The following SORCS3 variants were observed in gnomAD, a reference collection of about 807,000 sequenced individuals.
The protein encoded by SORCS3 is sortilin related VPS10 domain containing receptor 3.
Under a neutral mutation model 146.3 loss-of-function variants are expected in SORCS3, and 57 were observed. The ratio of observed to expected loss-of-function variants is 0.39; its 90% CI spans 0.31 to 0.49. The LOEUF is 0.49. Ranked by LOEUF, SORCS3 falls within the 20% of genes least tolerant of loss-of-function variation. SORCS3 has a pLI of 0.92. For missense variants in SORCS3, 1,341 were observed against 1,575.5 expected (o/e 0.85, Z 2.52); for synonymous variants, 653 against 618.5 (o/e 1.06, Z -0.83).
chr10:105,237,937 C>T (rs376151480), intron 20 of SORCS3, among the ~76,000 whole-genome samples: 2 of 152,262 alleles, frequency 1.3e-5, no homozygotes, highest in South Asian at 4.2e-4. Flanking sequence ...ATTAAATCAT[C>T]CTACTGATAA....
intron 3 of SORCS3, among the ~76,000 whole-genome samples, chr10:104,951,535 G>C (rs80041507): frequency 0.012 from 1,826 of 151,958 alleles, 48 homozygotes; most frequent in African/African-American, 0.042. Context: ...TTAGAGATGA[G>C]GGTCTCGCTA....
chr10:105,120,365 A>G (rs1021356813), intron 7 of SORCS3, among the ~76,000 whole-genome samples: 10 of 152,176 alleles, frequency 6.6e-5, no homozygotes, highest in Admixed American at 3.3e-4. Context: ...TCCTCATAGC[A>G]GTGTGAGAAC....
intron 20 of SORCS3, among the ~76,000 whole-genome samples, chr10:105,228,255 T>A (rs2056745554): frequency 6.6e-6 from 1 of 152,022 alleles, no homozygotes. Context: ...TTTATCTTCC[T>A]TTTTTGTTTG....
At chr10:104,705,465 T>A (rs1439528727) in intron 1 of SORCS3, among the ~76,000 whole-genome samples, 3 of 152,236 alleles carry the variant, frequency 2.0e-5, no homozygotes, top group African/African-American at 7.2e-5. Flanking sequence ...CTTACCTTTA[T>A]CAGGTCTTTG....
In SORCS3 at chr10:105,032,533, C is replaced by T. The variant is rs552885647; in HGVS notation, c.955-10522C>T. ...TTTGAATGAACTCAGATTTTCTGAG[C>T]GCTACTAATACTAAAATTATGAGGA... On this transcript the variant is annotated intron_variant, in intron 4 of 26. Transcript: ENST00000369701. Among the ~76,000 whole-genome samples the T allele has an allele frequency of 3.2e-4, 49 of 152,182 alleles. 1 individual carries two copies. In the South Asian group the frequency reaches 8.1e-3, roughly 25 times the overall value.
chr10:104,674,401 G>A (rs567180403), intron 1 of SORCS3, among the ~76,000 whole-genome samples: 1 of 152,308 alleles, frequency 6.6e-6, no homozygotes, highest in Admixed American at 6.5e-5. Context: ...AAAGACTTTG[G>A]CTTTCATTTT....
chr10:105,043,224 C>T, intron 5 of SORCS3, 96 bp downstream of exon 5: 1 of 1,065,954 alleles, frequency 9.4e-7, no homozygotes. Context: ...TTCTTGCAGA[C>T]AAATGTGTTC....
chr10:105,225,481 T>G (rs1486569149), intron 20 of SORCS3, among the ~76,000 whole-genome samples: 1 of 152,078 alleles, frequency 6.6e-6, no homozygotes, highest in Non-Finnish European at 1.5e-5. Context: ...TTTTGATCAC[T>G]GTAGATTTAT....
chr10:104,983,439 T>C (rs563292863), intron 4 of SORCS3, among the ~76,000 whole-genome samples: 2 of 152,338 alleles, frequency 1.3e-5, no homozygotes, highest in African/African-American at 2.4e-5. Flanking sequence ...ACGGCATGTA[T>C]ATGCTTTAAG....
intron 25 of SORCS3, among the ~76,000 whole-genome samples, chr10:105,259,313 G>C (rs1589715202): frequency 6.6e-6 from 1 of 152,188 alleles, no homozygotes; most frequent in Non-Finnish European, 1.5e-5. Context: ...TTCTGTTTCT[G>C]TGTCCAGATC....
At chr10:104,818,360 T>TCTTCCTTCCTTTCTTC (rs2017829690) in intron 1 of SORCS3, among the ~76,000 whole-genome samples, 1 of 139,756 alleles carries the variant, frequency 7.2e-6, no homozygotes, top group South Asian at 2.5e-4. Flanking sequence ...TCTTCTCCTT[T>TCTTCCTTCCTTTCTTC]CTTCCTTCCT....
intron 5 of SORCS3, among the ~76,000 whole-genome samples, chr10:105,084,769 C>T (rs548832923): frequency 1.8e-4 from 27 of 150,028 alleles, no homozygotes; most frequent in Non-Finnish European, 3.7e-4. Flanking sequence ...CTCGCTCTGT[C>T]GCCCAGGCTG....
chr10:105,026,306 G>A (rs533611760), intron 4 of SORCS3, among the ~76,000 whole-genome samples: 7 of 152,122 alleles, frequency 4.6e-5, no homozygotes, highest in Non-Finnish European at 8.8e-5. Context: ...TAGACTCGCC[G>A]CTCCACTCTG....
At chr10:105,091,011 TA>T (rs1418612429) in intron 6 of SORCS3, among the ~76,000 whole-genome samples, 2 of 152,184 alleles carry the variant, frequency 1.3e-5, no homozygotes, top group Non-Finnish European at 2.9e-5. Context: ...TTTTTATTTT[TA>T]AAAGAGTTAG....
intron 5 of SORCS3, among the ~76,000 whole-genome samples, chr10:105,056,689 T>C (rs961429812): frequency 6.6e-6 from 1 of 152,224 alleles, no homozygotes; most frequent in Non-Finnish European, 1.5e-5. Flanking sequence ...CATCCTGATC[T>C]CAAGTTCCAT....
Position 104,696,472 on chromosome 10 carries a change from G to GAACATAT in SORCS3, c.627+54520_627+54521insCATATAA, listed in dbSNP as rs1564661334. Among the ~76,000 whole-genome samples the GAACATAT allele has an allele frequency of 1.1e-4, 2 of 17,584 alleles. 1 individual carries two copies. The highest frequency in any genetic ancestry group is 2.9e-4 in the Non-Finnish European group (2 of 6,968). 11.5% of individuals were successfully genotyped at this position (17,584 alleles called of 152,430 possible). On this transcript the variant is annotated intron_variant, in intron 1 of 26. Coordinates refer to ENST00000369701, the MANE Select transcript of SORCS3 (RefSeq NM_014978.3). Reference sequence around the variant, plus strand: ...TAGAATATAGAATATATAATATATAGAATATAGAATATATAATATATAATA... The same window carrying GAACATAT: ...TAGAATATAGAATATATAATATATAGAACATATAATATAGAATATATAATATATAATA...
chr10:104,811,862 G>A (rs1054973594), intron 1 of SORCS3, among the ~76,000 whole-genome samples: 3 of 152,190 alleles, frequency 2.0e-5, no homozygotes, highest in Non-Finnish European at 4.4e-5. Flanking sequence ...GCCAAGAGAT[G>A]TGCATCAGAA....
chr10:104,837,186 G>A (rs923225929), intron 1 of SORCS3, among the ~76,000 whole-genome samples: 3 of 152,116 alleles, frequency 2.0e-5, no homozygotes, highest in Non-Finnish European at 4.4e-5. Flanking sequence ...AGCTAAATGA[G>A]ACCTGATTTC....
intron 3 of SORCS3, among the ~76,000 whole-genome samples, chr10:104,936,640 A>T (rs1446074735): frequency 2.0e-5 from 3 of 152,206 alleles, no homozygotes; most frequent in Admixed American, 2.0e-4. Context: ...GGATGTTAGG[A>T]AACAGTCTTG....
Sources: gnomAD v4.1 joint callset for allele counts (sites outside exome capture counted in the v4.1 genomes callset) on GRCh38, gnomAD v4.1.1 for gene constraint, MANE v1.5 for transcripts, NCBI Gene and HGNC (gene_info 2026-07-23, HGNC 2026-07-21) for gene names.